Variants in OXCT1 observed in about 807,000 individuals in gnomAD.
OXCT1 encodes 3-oxoacid CoA-transferase 1, also known as succinyl-CoA:3-ketoacid coenzyme A transferase 1, mitochondrial.
OXCT1 carries 27 observed loss-of-function variants against 69.6 expected under a neutral mutation model. The ratio of observed to expected loss-of-function variants is 0.39; its 90% CI spans 0.29 to 0.54. The LOEUF (loss-of-function observed/expected upper bound fraction) is 0.54, where lower values mean the gene tolerates loss of function less well. Among genes scored for constraint, OXCT1 ranks in the 20% least tolerant of loss-of-function variants. The pLI is 0.72. For synonymous variants in OXCT1, 202 were observed against 217.8 expected, an observed-to-expected ratio of 0.93 and a Z score of 0.64; for missense variants, 437 against 650.2, an observed-to-expected ratio of 0.67 and a Z score of 3.57.
chr5:41,745,780 A>G, intron 15 of OXCT1, among the ~76,000 whole-genome samples: 1 of 152,342 alleles, frequency 6.6e-6, no homozygotes, highest in East Asian at 1.9e-4. Flanking sequence ...ACCTCTACGC[A>G]AATAAACTAG....
chr5:41,796,969 C>T (rs1746211712), intron 11 of OXCT1, among the ~76,000 whole-genome samples: 1 of 152,128 alleles, frequency 6.6e-6, no homozygotes. Flanking sequence ...GGTTGTATGG[C>T]CAGCCTGTGT....
intron 1 of OXCT1, 82 bp from the exon 2 acceptor site, chr5:41,862,832 A>G (rs948712986): frequency 1.5e-5 from 12 of 807,516 alleles, no homozygotes; most frequent in Admixed American, 1.2e-4. Context: ...TTCAATTGAT[A>G]GACAAATGAT....
chr5:41,849,448 T>C (rs1749078953), intron 5 of OXCT1, among the ~76,000 whole-genome samples: 1 of 152,208 alleles, frequency 6.6e-6, no homozygotes, highest in African/African-American at 2.4e-5. Flanking sequence ...TCTGAAATTC[T>C]ACTCTTCTAT....
chr5:41,862,693 G>A lies in OXCT1; in HGVS notation c.136C>T (p.Pro46Ser), dbSNP rs762795940. The change falls in exon 2 of 17, where the codon CCA becomes TCA. Residue 46 changes from proline to serine, a missense_variant. Transcript: ENST00000196371. ...AHRHTKFYTD[P>S]VEAVKDIPDG... ...GGGATGTCTTTTACAGCTTCTACTG[G>A]ATCTGTATAAAACTTGGTATGGCGA... 2.2e-5 allele frequency: 36 copies of A among 1,612,818 alleles called. No individual in the cohort carries two copies. The highest frequency in any genetic ancestry group is 1.3e-4 in the Admixed American group (8 of 59,952).
At chr5:41,792,316 A>C (rs1054237491) in intron 13 of OXCT1, among the ~76,000 whole-genome samples, 1 of 152,198 alleles carries the variant, frequency 6.6e-6, no homozygotes, top group Non-Finnish European at 1.5e-5. Flanking sequence ...TTAATCCACA[A>C]CTATCTCACT....
chr5:41,793,992 T>C lies in OXCT1; in HGVS notation c.1248+11A>G. On this transcript the variant is annotated intron_variant, in intron 13 of 16. Coordinates refer to ENST00000196371, the MANE Select transcript of OXCT1 (RefSeq NM_000436.4). ...TCCAAACATAATTCAGAATAAAAAA[T>C]GTCTACTTACAGGTATCATCCAGTT... 8.5e-6 allele frequency: 13 copies of C among 1,532,112 alleles called. No individual in the cohort carries two copies. Among genetic ancestry groups the C allele is most frequent in the Non-Finnish European group, 1.2e-5 (13 of 1,105,098 alleles). 94.9% of individuals were successfully genotyped at this position (1,532,112 alleles called of 1,614,324 possible).
In OXCT1 at chr5:41,870,193, G is replaced by A; in HGVS notation, c.78+88C>T. 2 of 1,007,322 alleles carry A rather than the reference G, an allele frequency of 2.0e-6. No homozygotes were observed. Among genetic ancestry groups the A allele is most frequent in the South Asian group, 2.7e-5 (2 of 75,266 alleles). 62.4% of individuals were successfully genotyped at this position (1,007,322 alleles called of 1,614,324 possible). A position where few individuals can be genotyped will look rare whatever the true frequency, so the allele number is the denominator to read the frequency against. On this transcript the variant is annotated intron_variant, in intron 1 of 16. Coordinates refer to ENST00000196371, the MANE Select transcript of OXCT1 (RefSeq NM_000436.4). This position sits in a 1 kb window ranked among gnomAD's most constrained non-coding sequence, Gnocchi z 4.2. Reference sequence around the variant, plus strand: ...CCAGATCCCAGGCTGGAGAGAGCGGGTAGGGGCAGAGAAGAAAACGCGGGC... The same window carrying A: ...CCAGATCCCAGGCTGGAGAGAGCGGATAGGGGCAGAGAAGAAAACGCGGGC...
Position 41,762,161 on chromosome 5 carries a change from CT to C in OXCT1, c.1287del (p.Val430CysfsTer31). 1 of 1,613,392 alleles carries C rather than the reference CT, an allele frequency of 6.2e-7. No homozygotes were observed. The highest frequency in any genetic ancestry group is 8.5e-7 in the Non-Finnish European group (1 of 1,179,466). On this transcript the variant is annotated frameshift_variant, in exon 14 of 17. Coordinates refer to ENST00000196371, the MANE Select transcript of OXCT1 (RefSeq NM_000436.4). LOFTEE classifies it high-confidence loss of function. This position sits in a 1 kb window ranked among gnomAD's most constrained non-coding sequence, Gnocchi z 4.0. The stretch of plus-strand genomic sequence containing the variant: ...ACCACTTTGGTTTTCGCACTGGACA[CT>C]AAATCCATAGCACCTCCCATTCCTT... ...MVKGMGGAMD[L>X]VSSAKTKVVV...
chr5:41,804,418 G>A (rs1746571636), intron 9 of OXCT1, among the ~76,000 whole-genome samples: 2 of 151,990 alleles, frequency 1.3e-5, no homozygotes, highest in South Asian at 2.1e-4. Flanking sequence ...TAGGAGATAT[G>A]GAAAGACCAC....
intron 7 of OXCT1, among the ~76,000 whole-genome samples, chr5:41,832,750 C>T (rs552967919): frequency 3.2e-4 from 48 of 152,038 alleles, no homozygotes; most frequent in African/African-American, 8.9e-4. Context: ...TGAGGAAACA[C>T]GAAGAAATCC....
chr5:41,749,850 C>A (rs909727481), intron 14 of OXCT1, among the ~76,000 whole-genome samples: 6 of 152,022 alleles, frequency 3.9e-5, no homozygotes, highest in African/African-American at 1.2e-4. Context: ...AAACATCCTG[C>A]CAGAAATTTG....
At chr5:41,761,799 A>G (rs944585640) in intron 14 of OXCT1, among the ~76,000 whole-genome samples, 5 of 152,140 alleles carry the variant, frequency 3.3e-5, no homozygotes, top group Non-Finnish European at 7.4e-5. Flanking sequence ...CCATACAGAC[A>G]TCTTTTCACT....
chr5:41,853,222 ATC>A (rs1392047672), intron 4 of OXCT1, among the ~76,000 whole-genome samples, 195 bp downstream of exon 4: 1 of 152,342 alleles, frequency 6.6e-6, no homozygotes, highest in East Asian at 1.9e-4. Context: ...TTTTAGAAAT[ATC>A]TCTTTTTTCA....
chr5:41,805,815 T>A, intron 8 of OXCT1, 134 bp from the exon 9 acceptor site: 1 of 682,362 alleles, frequency 1.5e-6, no homozygotes, highest in Admixed American at 2.2e-5. Context: ...ATATACCAGA[T>A]ATTTAAAAAA....
intron 15 of OXCT1, among the ~76,000 whole-genome samples, chr5:41,740,542 G>A (rs1743110789): frequency 6.6e-6 from 1 of 152,164 alleles, no homozygotes; most frequent in Non-Finnish European, 1.5e-5. Context: ...TCAGCAGATA[G>A]ACCCCACCTG....
intron 8 of OXCT1, among the ~76,000 whole-genome samples, chr5:41,807,041 A>G (rs1746714966): frequency 6.6e-6 from 1 of 152,114 alleles, no homozygotes; most frequent in African/African-American, 2.4e-5. Context: ...CCTCTAAGAC[A>G]GCCAGAAAAA....
At chr5:41,733,157 A>T (rs938787799) in intron 16 of OXCT1, among the ~76,000 whole-genome samples, 1 of 151,934 alleles carries the variant, frequency 6.6e-6, no homozygotes, top group African/African-American at 2.4e-5. Flanking sequence ...TAATAATAAC[A>T]TTTAGTATTT....
intron 7 of OXCT1, among the ~76,000 whole-genome samples, chr5:41,812,593 A>G (rs1028671943): frequency 1.2e-4 from 19 of 152,040 alleles, no homozygotes; most frequent in Non-Finnish European, 2.5e-4. Context: ...AATGCTCAAG[A>G]TAAGGAAAGG....
At chr5:41,740,991 C>A (rs1185689983) in intron 15 of OXCT1, among the ~76,000 whole-genome samples, 1 of 150,972 alleles carries the variant, frequency 6.6e-6, no homozygotes, top group Non-Finnish European at 1.5e-5. Flanking sequence ...CACTCTGTCA[C>A]CCAGGCTGGA....
Sources: allele counts gnomAD v4.1 joint callset (sites outside exome capture counted in the v4.1 genomes callset), GRCh38; gene constraint gnomAD v4.1.1; non-coding constraint Gnocchi (gnomAD v3.1); transcripts MANE v1.5; gene names NCBI Gene and HGNC (gene_info 2026-07-23, HGNC 2026-07-21).